The following TBC1D19 variants were observed in gnomAD, a reference collection of about 807,000 sequenced individuals.
TBC1D19 encodes TBC1 domain family, member 19.
Under a neutral mutation model 89.0 loss-of-function variants are expected in TBC1D19, and 60 were observed. The observed-to-expected ratio is 0.67, with a 90% CI of 0.55 to 0.84. The LOEUF is 0.84. Ranked by LOEUF, TBC1D19 falls within the 40% of genes least tolerant of loss-of-function variation. TBC1D19 has a pLI of 0.00. For synonymous variants in TBC1D19, 189 were observed against 199.7 expected, an observed-to-expected ratio of 0.95 and a Z score of 0.45; for missense variants, 500 against 610.8, an observed-to-expected ratio of 0.82 and a Z score of 1.91.
At chr4:26,701,744 TA>T (rs148691340) in intron 13 of TBC1D19, among the ~76,000 whole-genome samples, 4,845 of 151,088 alleles carry the variant, frequency 0.032, 256 homozygotes, top group African/African-American at 0.11. Context: ...CACAAAGACA[TA>T]AAAAAAACCC....
At chr4:26,641,962 C>T (rs1743574599) in intron 7 of TBC1D19, among the ~76,000 whole-genome samples, 1 of 152,166 alleles carries the variant, frequency 6.6e-6, no homozygotes, top group Admixed American at 6.5e-5. Flanking sequence ...GATTGGTATA[C>T]CTGAAAGTGA....
the TBC1D19 span, among the ~76,000 whole-genome samples, chr4:26,798,906 TG>T: frequency 2.4e-4 from 37 of 151,952 alleles, no homozygotes; most frequent in Middle Eastern, 6.8e-3. Flanking sequence ...GGATGAGGGT[TG>T]AAAAAAAACT....
the TBC1D19 span, among the ~76,000 whole-genome samples, chr4:26,808,744 A>AG: frequency 6.6e-6 from 1 of 151,018 alleles, no homozygotes; most frequent in Non-Finnish European, 1.5e-5. Flanking sequence ...AAAAAAAAAA[A>AG]AAGAAAAAGA....
At chr4:26,747,030 C>T (rs1272205837) in intron 18 of TBC1D19, among the ~76,000 whole-genome samples, 1 of 152,056 alleles carries the variant, frequency 6.6e-6, no homozygotes, top group Non-Finnish European at 1.5e-5. Context: ...AAACAGCACA[C>T]AATTTAAAAG....
At chr4:26,583,968 C>T (rs1739245779), upstream of TBC1D19, 2 of 562,554 alleles carry the variant, frequency 3.6e-6, no homozygotes, top group Non-Finnish European at 3.2e-6. Context: ...CCTCCCCGCC[C>T]CGGTCTTTTT....
intron 1 of TBC1D19, among the ~76,000 whole-genome samples, chr4:26,590,475 G>T (rs1489601605): frequency 6.6e-6 from 1 of 152,128 alleles, no homozygotes; most frequent in African/African-American, 2.4e-5. Context: ...GTAGGGAAGT[G>T]CTGCCTCCCT....
chr4:26,690,525 G>C (rs1019315341), intron 13 of TBC1D19, among the ~76,000 whole-genome samples: 22 of 152,246 alleles, frequency 1.4e-4, no homozygotes, highest in African/African-American at 5.3e-4. Flanking sequence ...GAATGCAGCT[G>C]GTATCTTTAG....
chr4:26,645,014 C>G (rs926519863), intron 7 of TBC1D19, among the ~76,000 whole-genome samples: 1 of 150,748 alleles, frequency 6.6e-6, no homozygotes, highest in South Asian at 2.1e-4. Flanking sequence ...GAGGCACAAA[C>G]AAATGGAAGA....
intron 13 of TBC1D19, among the ~76,000 whole-genome samples, chr4:26,690,518 T>A (rs1714180337): frequency 6.6e-6 from 1 of 152,212 alleles, no homozygotes; most frequent in South Asian, 2.1e-4. Flanking sequence ...TAGGGGCGAA[T>A]GCAGCTGGTA....
At chr4:26,673,446 T>TATCTATATACACACACAC (rs373807642) in intron 10 of TBC1D19, among the ~76,000 whole-genome samples, 1 of 90,884 alleles carries the variant, frequency 1.1e-5, no homozygotes, top group Admixed American at 1.5e-4. Context: ...TATATATATA[T>TATCTATATACACACACAC]ACACACACAC....
At chr4:26,619,366 G>A (rs1741891208) in intron 3 of TBC1D19, among the ~76,000 whole-genome samples, 1 of 151,996 alleles carries the variant, frequency 6.6e-6, no homozygotes, top group Non-Finnish European at 1.5e-5. Flanking sequence ...CACCACGGCT[G>A]GCTAATTTTT....
chr4:26,775,166 G>T, the TBC1D19 span, among the ~76,000 whole-genome samples: 1 of 152,144 alleles, frequency 6.6e-6, no homozygotes, highest in African/African-American at 2.4e-5. Flanking sequence ...AAATTTAATT[G>T]CCAGGCCAGA....
At chr4:26,772,000 AG>A in the TBC1D19 span, among the ~76,000 whole-genome samples, 2 of 152,318 alleles carry the variant, frequency 1.3e-5, no homozygotes, top group South Asian at 4.1e-4. Context: ...CAGACTGATT[AG>A]GGAAAAAAAG....
At chr4:26,774,565 A>G in the TBC1D19 span, among the ~76,000 whole-genome samples, 2 of 152,314 alleles carry the variant, frequency 1.3e-5, no homozygotes, top group South Asian at 4.1e-4. Context: ...TTTTGATGCT[A>G]TTATAAGTGC....
In TBC1D19 at chr4:26,637,225, A is replaced by C; in HGVS notation, c.309A>C (p.Lys103Asn). 1 of 1,607,426 alleles carries C rather than the reference A, an allele frequency of 6.2e-7. No homozygotes were observed. Among genetic ancestry groups the C allele is most frequent in the Admixed American group, 1.7e-5 (1 of 59,608 alleles). Reference sequence around the variant, plus strand: ...TTATGTTTCAGGGAAGTTGGGAAAAAAGAATTTTGAAGAGTTTAAATAGTA... The same window carrying C: ...TTATGTTTCAGGGAAGTTGGGAAAACAGAATTTTGAAGAGTTTAAATAGTA... ...YMRKAQGSWE[K>N]RILKSLNSMC... Residue 103 changes from lysine (K) to asparagine (N), a missense_variant, in exon 5 of 21, where the codon AAA becomes AAC. This residue lies in a region of TBC1D19 where 280 missense variants were observed against 291.7 expected (regional missense o/e 0.96). Transcript: ENST00000264866.
the TBC1D19 span, among the ~76,000 whole-genome samples, chr4:26,764,206 C>A: frequency 6.6e-6 from 1 of 152,184 alleles, no homozygotes; most frequent in African/African-American, 2.4e-5. Context: ...ACCCTCACTC[C>A]CTCCTCCCCT....
chr4:26,749,717 G>A (rs1327614714), intron 19 of TBC1D19, among the ~76,000 whole-genome samples: 2 of 152,124 alleles, frequency 1.3e-5, no homozygotes. Flanking sequence ...AGAGTGCTGG[G>A]ATTACAGGTG....
At chr4:26,700,343 G>A (rs1577955518) in intron 13 of TBC1D19, among the ~76,000 whole-genome samples, 2 of 152,092 alleles carry the variant, frequency 1.3e-5, no homozygotes, top group African/African-American at 4.8e-5. Context: ...AAAAGCCAAA[G>A]GTGATGAAAC....
At chr4:26,650,936 T>G (rs1032088974) in intron 7 of TBC1D19, among the ~76,000 whole-genome samples, 4 of 152,126 alleles carry the variant, frequency 2.6e-5, no homozygotes, top group Non-Finnish European at 2.9e-5. Context: ...CTACATATGG[T>G]TAGCCAGTTT....
Sources: allele counts gnomAD v4.1 joint callset (sites outside exome capture counted in the v4.1 genomes callset), GRCh38; gene constraint gnomAD v4.1.1; regional missense constraint gnomAD v4.1.1; transcripts MANE v1.5; gene names NCBI Gene and HGNC (gene_info 2026-07-23, HGNC 2026-07-21).